IL24: variants seen among roughly 807,000 people sequenced by gnomAD.
The protein encoded by IL24 is interleukin 24.
A neutral mutation model predicts 27.6 loss-of-function variants in IL24; 24 were observed. The observed-to-expected ratio is 0.87, with a 90% CI of 0.63 to 1.22. The LOEUF is 1.22. Among genes scored for constraint, IL24 ranks in the 50% most tolerant of loss-of-function variants. The pLI is 0.00. For missense variants in IL24, 240 were observed against 237.0 expected (o/e 1.01, Z -0.08); for synonymous variants, 99 against 93.1 (o/e 1.06, Z -0.36).
chr1:206,901,743 A>G, intron 5 of IL24, 91 bp downstream of exon 5: 1 of 1,102,218 alleles, frequency 9.1e-7, no homozygotes. Context: ...AAAGTCCTCC[A>G]CCTCCCTGGG....
chr1:206,902,626 A>G (rs1678436675), intron 6 of IL24: 2 of 985,176 alleles, frequency 2.0e-6, no homozygotes, highest in Non-Finnish European at 2.4e-6. Context: ...GAGCAATAAC[A>G]TCTGATGGAG....
In IL24 at chr1:206,901,583, C is replaced by A; in HGVS notation, c.393C>A (p.Val131=). The part of the protein sequence containing the change: ...FKNYHNRTVE[V]RTLKSFSTLA... ...ACTACCACAATAGAACAGTTGAAGTCAGGACTCTGAAGTCATTCTCTACTC... is the reference window on the plus strand; with the variant it reads ...ACTACCACAATAGAACAGTTGAAGTAAGGACTCTGAAGTCATTCTCTACTC... The change falls in exon 5 of 7, where the codon GTC becomes GTA. Residue 131 remains valine, a synonymous_variant. Coordinates refer to ENST00000294984, the MANE Select transcript of IL24 (RefSeq NM_006850.3). The A allele has an allele frequency of 6.2e-7, 1 of 1,614,198 alleles. No individual in the cohort carries two copies. The highest frequency in any genetic ancestry group is 1.3e-5 in the African/African-American group (1 of 75,058).
intron 6 of IL24, chr1:206,902,643 C>T: frequency 2.0e-6 from 2 of 985,200 alleles, no homozygotes; most frequent in Non-Finnish European, 2.4e-6. Flanking sequence ...GGAGAGGGGC[C>T]ACCTGGGCTC....
At chr1:206,902,472 A>T in intron 6 of IL24, 1 of 980,148 alleles carries the variant, frequency 1.0e-6, no homozygotes, top group African/African-American at 1.8e-5. Context: ...AAAAACAATT[A>T]TGGGAAATTA....
At position 206,903,466 on chromosome 1, in the gene IL24, T is replaced by A. The variant is rs1678480588; in HGVS notation, c.*407T>A. ...GTAAGTACTTAATAAACTGTGGTGC[T>A]TTTTTTGGCCTGTCTTTGGATTGTT... On this transcript the variant is annotated 3_prime_UTR_variant, in exon 7 of 7. Transcript: ENST00000294984. 6.0e-6 allele frequency: 1 copy of A among 165,676 alleles called. No homozygotes were observed. Among genetic ancestry groups the A allele is most frequent in the Admixed American group, 5.8e-5 (1 of 17,262 alleles). The allele number at this position is 165,676 out of a possible 1,614,324, so 10.3% of individuals were successfully genotyped here.
At chr1:206,899,562 C>G in intron 3 of IL24, 47 bp downstream of exon 3, 1 of 1,422,872 alleles carries the variant, frequency 7.0e-7, no homozygotes, top group Admixed American at 2.3e-5. Context: ...TTCCTGGGGG[C>G]AGTGGGCCAG....
intron 3 of IL24, among the ~76,000 whole-genome samples, chr1:206,899,787 C>T (rs554376583): frequency 2.0e-5 from 3 of 152,268 alleles, no homozygotes; most frequent in East Asian, 3.9e-4. Context: ...ATCCAGGCTT[C>T]GTCCCGAATA....
chr1:206,899,644 A>G lies in IL24; in HGVS notation c.240+129A>G, dbSNP rs543080109. 28 of 725,670 alleles carry G rather than the reference A, an allele frequency of 3.9e-5. No homozygotes were observed. The South Asian group carries it at 6.4e-4, about 17-fold the overall frequency. The allele number at this position is 725,670 out of a possible 1,614,324, so 45.0% of individuals were successfully genotyped here. A position where few individuals can be genotyped will look rare whatever the true frequency, so the allele number is the denominator to read the frequency against. On this transcript the variant is annotated intron_variant, in intron 3 of 6. Transcript: ENST00000294984. ...TGCTAATCAGTTTCCAGTTTCCCAT[A>G]TAATAACTCTGTGAGGTCAGAAGGC...
intron 6 of IL24, chr1:206,902,320 G>A: frequency 3.0e-6 from 3 of 985,368 alleles, no homozygotes; most frequent in Non-Finnish European, 3.6e-6. Flanking sequence ...TTTACGAAAG[G>A]AACTTTCCCT....
Position 206,897,747 on chromosome 1 carries a change from T to C in IL24, c.-86T>C, listed in dbSNP as rs1678213586. The C allele has an allele frequency of 3.5e-6, 5 of 1,417,372 alleles. No individual in the cohort carries two copies. Among genetic ancestry groups the C allele is most frequent in the Admixed American group, 1.7e-5 (1 of 58,108 alleles). The allele number at this position is 1,417,372 out of a possible 1,614,324, so 87.8% of individuals were successfully genotyped here. A position where few individuals can be genotyped will look rare whatever the true frequency, so the allele number is the denominator to read the frequency against. Reference sequence around the variant, plus strand: ...TTGATGTAGGGACAAGACATGACTGTGATGAGGAGCTGCTTTCGCCAATTT... The same window carrying C: ...TTGATGTAGGGACAAGACATGACTGCGATGAGGAGCTGCTTTCGCCAATTT... On this transcript the variant is annotated 5_prime_UTR_variant, in exon 2 of 7. Coordinates refer to ENST00000294984, the MANE Select transcript of IL24 (RefSeq NM_006850.3).
rs556165184 is a variant in IL24, at chr1:206,899,011, C to T, written c.45-309C>T. ...CACTCTTCTGGGTCAAATTCTGACT[C>T]GCAGGTTGTAGGCTAGAGAGAACTG... On this transcript the variant is annotated intron_variant, in intron 2 of 6. Transcript: ENST00000294984. 2.0e-4 allele frequency among the ~76,000 whole-genome samples: 30 copies of T among 152,270 alleles called. 1 individual carries two copies. Among genetic ancestry groups the T allele is most frequent in the African/African-American group, 5.3e-4 (22 of 41,550 alleles).
chr1:206,898,912 CAT>C (rs1424308036), intron 2 of IL24, among the ~76,000 whole-genome samples: 1 of 152,200 alleles, frequency 6.6e-6, no homozygotes, highest in African/African-American at 2.4e-5. Flanking sequence ...TGGATAAGCA[CAT>C]GTCTAGTTCA....
In IL24 at chr1:206,902,055, C is replaced by T. The variant is rs147989968; in HGVS notation, c.520C>T (p.Arg174Trp). The T allele has an allele frequency of 9.0e-5, 145 of 1,613,890 alleles. No individual in the cohort carries two copies. Among genetic ancestry groups the T allele is most frequent in the Middle Eastern group, 4.9e-4 (3 of 6,082 alleles). Residue 174 changes from arginine to tryptophan, a missense_variant, in exon 6 of 7, where the codon CGG becomes TGG. Arg to Trp is a moderately radical substitution (Grantham distance 101, BLOSUM62 -3). Transcript: ENST00000294984. ...DSAHRRFLLFRRAFKQLDVEA... is the reference protein window; with the variant it reads ...DSAHRRFLLFWRAFKQLDVEA... ...TGCACACAGGCGGTTTCTGCTATTC[C>T]GGAGAGCATTCAAACAGGTAAGGCC...
chr1:206,900,208 G>C lies in IL24; in HGVS notation c.241-87G>C, dbSNP rs1678321155. The C allele has an allele frequency of 1.8e-5, 21 of 1,182,268 alleles. 1 individual carries two copies. In the South Asian group the frequency reaches 2.6e-4, roughly 14 times the overall value. 73.2% of individuals were successfully genotyped at this position (1,182,268 alleles called of 1,614,324 possible). On this transcript the variant is annotated intron_variant, in intron 3 of 6. Coordinates refer to ENST00000294984, the MANE Select transcript of IL24 (RefSeq NM_006850.3). ...AGATCTCACAGACTAGATAGATTTA[G>C]GGGTCTAGGGAAGCAGCACATATTT...
At chr1:206,901,867 G>A (rs1678397626) in intron 5 of IL24, 131 bp from the exon 6 acceptor site, 2 of 957,612 alleles carry the variant, frequency 2.1e-6, no homozygotes, top group Non-Finnish European at 3.2e-6. Context: ...TGGTTACCTT[G>A]GGGAATGCAG....
chr1:206,900,608 A>G (rs768242256), intron 4 of IL24, among the ~76,000 whole-genome samples: 1 of 152,112 alleles, frequency 6.6e-6, no homozygotes, highest in African/African-American at 2.4e-5. Context: ...TAGCCAGAGA[A>G]TTATATATTT....
At chr1:206,900,420 G>T (rs1004319832) in intron 4 of IL24, 63 bp downstream of exon 4, 1 of 1,426,440 alleles carries the variant, frequency 7.0e-7, no homozygotes, top group Admixed American at 1.7e-5. Context: ...GGAGTGCAAG[G>T]CTTTCTTAGG....
intron 3 of IL24, 124 bp from the exon 4 acceptor site, chr1:206,900,171 C>T: frequency 1.1e-6 from 1 of 892,094 alleles, no homozygotes; most frequent in Non-Finnish European, 1.8e-6. Flanking sequence ...CTTTTGGTCC[C>T]TCTGGCCTTT....
Position 206,901,987 on chromosome 1 carries a change from A to G in IL24, c.463-11A>G. 2 of 1,613,868 alleles carry G rather than the reference A, an allele frequency of 1.2e-6. No homozygotes were observed. The highest frequency in any genetic ancestry group is 1.7e-6 in the Non-Finnish European group (2 of 1,179,832). ...AAAAATTGGCACAACTTCTTTTCCC[A>G]TGTTATGTAGCAAGAAAATGAGATG... On this transcript the variant is annotated splice_polypyrimidine_tract_variant and intron_variant, in intron 5 of 6. Transcript: ENST00000294984.
Sources: gnomAD v4.1 joint callset for allele counts (sites outside exome capture counted in the v4.1 genomes callset) on GRCh38, gnomAD v4.1.1 for gene constraint, MANE v1.5 for transcripts, NCBI Gene and HGNC (gene_info 2026-07-23, HGNC 2026-07-21) for gene names.